The following CA13 variants were observed in gnomAD, a reference collection of about 807,000 sequenced individuals.
CA13 encodes carbonic anhydrase 13.
In CA13, 21 loss-of-function variants were observed where a neutral mutation model predicts 31.5. That is an observed-to-expected ratio of 0.67 (90% CI 0.47 to 0.96). The LOEUF is 0.96. Among genes scored for constraint, CA13 ranks in the 40% least tolerant of loss-of-function variants. The pLI is 0.00. For missense variants in CA13, 315 were observed against 318.9 expected, an observed-to-expected ratio of 0.99 and a Z score of 0.09; for synonymous variants, 117 against 111.4, an observed-to-expected ratio of 1.05 and a Z score of -0.32.
At chr8:85,252,795 AAG>A (rs1465465709) in intron 2 of CA13, among the ~76,000 whole-genome samples, 1 of 152,190 alleles carries the variant, frequency 6.6e-6, no homozygotes, top group Non-Finnish European at 1.5e-5. Context: ...CCTTAATTGA[AAG>A]AAAGTTTTTA....
At chr8:85,259,061 G>A (rs1295991383) in intron 2 of CA13, among the ~76,000 whole-genome samples, 1 of 152,134 alleles carries the variant, frequency 6.6e-6, no homozygotes, top group Non-Finnish European at 1.5e-5. Flanking sequence ...AGCTCAAACT[G>A]GACCTGTCTG....
At chr8:85,266,573 A>G (rs772576634) in intron 3 of CA13, 35 bp from the exon 4 acceptor site, 1 of 1,521,280 alleles carries the variant, frequency 6.6e-7, no homozygotes, top group East Asian at 2.3e-5. Context: ...ATGTCTAACA[A>G]AACATTCCTA....
At chr8:85,277,461 CG>C (rs1354157339) in intron 6 of CA13, among the ~76,000 whole-genome samples, 32 of 152,072 alleles carry the variant, frequency 2.1e-4, no homozygotes, top group African/African-American at 7.5e-4. Flanking sequence ...GAACAAACTC[CG>C]GACATGCTGC....
chr8:85,267,374 C>G, intron 4 of CA13: 1 of 769,008 alleles, frequency 1.3e-6, no homozygotes, highest in Non-Finnish European at 1.6e-6. Context: ...TTCAGATCAC[C>G]TGTAATAATG....
intron 3 of CA13, among the ~76,000 whole-genome samples, 197 bp downstream of exon 3, chr8:85,259,736 C>T (rs1587538390): frequency 6.6e-6 from 1 of 152,198 alleles, no homozygotes; most frequent in African/African-American, 2.4e-5. Flanking sequence ...GTTAAACCAA[C>T]CCTGAGAGCT....
At chr8:85,275,901 G>T (rs1807595337) in intron 6 of CA13, among the ~76,000 whole-genome samples, 1 of 152,238 alleles carries the variant, frequency 6.6e-6, no homozygotes, top group South Asian at 2.1e-4. Context: ...CAGCGTGCTG[G>T]CAGTCCTCGC....
At chr8:85,279,372 CAG>C in intron 6 of CA13, among the ~76,000 whole-genome samples, 1 of 152,294 alleles carries the variant, frequency 6.6e-6, no homozygotes, top group South Asian at 2.1e-4. Context: ...CCAGAGCCAA[CAG>C]AAACAAATCT....
Position 85,251,035 on chromosome 8 carries a change from C to T in CA13, c.235+98C>T. The T allele has an allele frequency of 3.9e-6, 4 of 1,034,782 alleles. No homozygotes were observed. In the South Asian group the frequency reaches 4.6e-5, roughly 12 times the overall value. 64.1% of individuals were successfully genotyped at this position (1,034,782 alleles called of 1,614,324 possible). A position where few individuals can be genotyped will look rare whatever the true frequency, so the allele number is the denominator to read the frequency against. ...TTTTTTTTTTTGAGACAGAGTCTCG[C>T]TCTGTCGCCAGGCTGAAGTGTAGTG... On this transcript the variant is annotated intron_variant, in intron 2 of 6. Coordinates refer to ENST00000321764, the MANE Select transcript of CA13 (RefSeq NM_198584.3).
At chr8:85,270,166 C>T (rs1401195263) in intron 6 of CA13, among the ~76,000 whole-genome samples, 1 of 152,114 alleles carries the variant, frequency 6.6e-6, no homozygotes, top group Non-Finnish European at 1.5e-5. Context: ...GCATTAGGTG[C>T]AATATCTTAG....
intron 4 of CA13, chr8:85,267,304 T>C: frequency 1.0e-6 from 1 of 985,896 alleles, no homozygotes; most frequent in Non-Finnish European, 1.2e-6. Context: ...TTCCTTGCCT[T>C]TGGACACCAA....
At chr8:85,250,615 C>T (rs750776957) in intron 1 of CA13, 125 bp from the exon 2 acceptor site, 77 of 624,474 alleles carry the variant, frequency 1.2e-4, no homozygotes, top group East Asian at 1.0e-3. Context: ...GTCCTGAGGA[C>T]GAGAATCTCA....
intron 2 of CA13, 59 bp from the exon 3 acceptor site, chr8:85,259,362 T>G: frequency 7.2e-7 from 1 of 1,380,768 alleles, no homozygotes; most frequent in South Asian, 1.2e-5. Flanking sequence ...TGTTGTGGTT[T>G]GAGCAGCTTA....
At chr8:85,256,764 C>T (rs1321275656) in intron 2 of CA13, among the ~76,000 whole-genome samples, 1 of 152,156 alleles carries the variant, frequency 6.6e-6, no homozygotes, top group African/African-American at 2.4e-5. Flanking sequence ...ACTTGTTTAT[C>T]ATTGCATATT....
intron 4 of CA13, chr8:85,267,378 A>C: frequency 2.7e-6 from 2 of 739,858 alleles, no homozygotes; most frequent in Non-Finnish European, 3.3e-6. Flanking sequence ...GATCACCTGT[A>C]ATAATGAAAA....
chr8:85,281,521 A>AT lies in CA13; in HGVS notation c.*180dup, dbSNP rs1449976979. 105 of 1,300,072 alleles carry AT rather than the reference A, an allele frequency of 8.1e-5. No individual in the cohort carries two copies. Among genetic ancestry groups the AT allele is most frequent in the Middle Eastern group, 3.0e-4 (1 of 3,296 alleles). 80.5% of individuals were successfully genotyped at this position (1,300,072 alleles called of 1,614,324 possible). Reference sequence around the variant, plus strand: ...CCAGATCTCTCTCTCTTTTTTTTTTATTTTTTTTAGTGATAGAGTCTCACT... The same window carrying AT: ...CCAGATCTCTCTCTCTTTTTTTTTTATTTTTTTTTAGTGATAGAGTCTCACT... On this transcript the variant is annotated 3_prime_UTR_variant, in exon 7 of 7. Transcript: ENST00000321764.
chr8:85,255,954 G>A (rs1477996655), intron 2 of CA13, among the ~76,000 whole-genome samples: 2 of 151,284 alleles, frequency 1.3e-5, no homozygotes, highest in Non-Finnish European at 2.9e-5. Flanking sequence ...CTCTCTATGA[G>A]CAACAACTAT....
chr8:85,278,359 A>G (rs1269805176), intron 6 of CA13, among the ~76,000 whole-genome samples: 1 of 151,286 alleles, frequency 6.6e-6, no homozygotes, highest in Non-Finnish European at 1.5e-5. Context: ...CTGAATTTTT[A>G]AGAATTAACT....
chr8:85,261,949 G>A (rs1807385915), intron 3 of CA13, among the ~76,000 whole-genome samples: 1 of 150,894 alleles, frequency 6.6e-6, no homozygotes, highest in African/African-American at 2.4e-5. Context: ...GGGTTCAAGG[G>A]ATCCTCCCAC....
At chr8:85,248,949 T>C (rs954669407) in intron 1 of CA13, among the ~76,000 whole-genome samples, 1 of 152,190 alleles carries the variant, frequency 6.6e-6, no homozygotes, top group Non-Finnish European at 1.5e-5. Flanking sequence ...GAAAAAAGTC[T>C]AGGTTATATA....
Sources: gnomAD v4.1 joint callset for allele counts (sites outside exome capture counted in the v4.1 genomes callset) on GRCh38, gnomAD v4.1.1 for gene constraint, MANE v1.5 for transcripts, NCBI Gene and HGNC (gene_info 2026-07-23, HGNC 2026-07-21) for gene names.